The following PPP1R12A variants were observed in gnomAD, a reference collection of about 807,000 sequenced individuals.
PPP1R12A encodes protein phosphatase 1 regulatory subunit 12A, also known as myosin binding subunit.
A neutral mutation model predicts 139.6 loss-of-function variants in PPP1R12A; 19 were observed. The observed-to-expected ratio is 0.14, with a 90% CI of 0.09 to 0.20. The LOEUF (loss-of-function observed/expected upper bound fraction) is 0.20. Ranked by LOEUF, PPP1R12A falls within the 10% of genes least tolerant of loss-of-function variation. PPP1R12A has a pLI of 1.00. For synonymous variants in PPP1R12A, 427 were observed against 420.6 expected (o/e 1.02, Z -0.19); for missense variants, 925 against 1,211.5 (o/e 0.76, Z 3.51).
At chr12:79,817,079 A>G (rs1222627311) in intron 9 of PPP1R12A, among the ~76,000 whole-genome samples, 1 of 152,182 alleles carries the variant, frequency 6.6e-6, no homozygotes, top group African/African-American at 2.4e-5. Flanking sequence ...TCAATAGAAA[A>G]AAAAAACTAA....
At chr12:79,845,530 A>G in intron 2 of PPP1R12A, 110 bp from the exon 3 acceptor site, 1 of 719,196 alleles carries the variant, frequency 1.4e-6, no homozygotes, top group Middle Eastern at 2.5e-4. Context: ...AAAGGGCAGT[A>G]TATACATTAT....
At chr12:79,883,693 T>C (rs780329933) in intron 1 of PPP1R12A, among the ~76,000 whole-genome samples, 2 of 152,234 alleles carry the variant, frequency 1.3e-5, no homozygotes, top group African/African-American at 2.4e-5. Context: ...TTATCTGCAT[T>C]GAGGTAATAA....
At chr12:79,897,244 T>C (rs919883803) in intron 1 of PPP1R12A, among the ~76,000 whole-genome samples, 2 of 152,182 alleles carry the variant, frequency 1.3e-5, no homozygotes, top group Admixed American at 6.5e-5. Context: ...TGCAGTAACA[T>C]GGATGCAAGG....
At chr12:79,892,321 A>G (rs1162487430) in intron 1 of PPP1R12A, among the ~76,000 whole-genome samples, 2 of 152,228 alleles carry the variant, frequency 1.3e-5, no homozygotes, top group South Asian at 2.1e-4. Flanking sequence ...ATCCGAAATT[A>G]TAACTTGAGA....
chr12:79,784,701 G>T (rs562296470), intron 22 of PPP1R12A, among the ~76,000 whole-genome samples: 1 of 151,960 alleles, frequency 6.6e-6, no homozygotes, highest in African/African-American at 2.4e-5. Flanking sequence ...GCAGTGGCAC[G>T]ATCTTGGCTT....
chr12:79,889,141 T>C (rs1884371258), intron 1 of PPP1R12A, among the ~76,000 whole-genome samples: 1 of 152,100 alleles, frequency 6.6e-6, no homozygotes, highest in South Asian at 2.1e-4. Context: ...AAAACACGAG[T>C]AGTCTCTGAC....
intron 1 of PPP1R12A, among the ~76,000 whole-genome samples, chr12:79,876,905 G>A (rs1216933292): frequency 1.3e-5 from 2 of 152,060 alleles, no homozygotes; most frequent in African/African-American, 4.8e-5. Context: ...CAGCTACTCG[G>A]GAGACTGAGA....
intron 5 of PPP1R12A, among the ~76,000 whole-genome samples, chr12:79,826,120 A>G (rs370283677): frequency 1.4e-4 from 21 of 152,112 alleles, no homozygotes; most frequent in African/African-American, 4.8e-4. Context: ...AAAGATGAGG[A>G]AACTAAAACG....
intron 22 of PPP1R12A, among the ~76,000 whole-genome samples, chr12:79,783,236 T>A (rs1330623352): frequency 6.9e-6 from 1 of 145,086 alleles, no homozygotes; most frequent in Non-Finnish European, 1.5e-5. Flanking sequence ...GATGGGCAGA[T>A]CACTTGAGCC....
At chr12:79,832,633 T>C in intron 3 of PPP1R12A, 142 bp from the exon 4 acceptor site, 1 of 779,330 alleles carries the variant, frequency 1.3e-6, no homozygotes, top group Non-Finnish European at 1.9e-6. Flanking sequence ...TATAACAAGT[T>C]GGTTAAACTA....
At position 79,788,701 on chromosome 12, in the gene PPP1R12A, T is replaced by C. The variant is rs61756420; in HGVS notation, c.2749A>G (p.Arg917Gly). 3 of 1,613,336 alleles carry C rather than the reference T, an allele frequency of 1.9e-6. No homozygotes were observed. Among genetic ancestry groups the C allele is most frequent in the South Asian group, 1.1e-5 (1 of 90,992 alleles). Residue 917 changes from arginine (R) to glycine (G), a missense_variant, in exon 21 of 25, where the codon AGA (arginine) becomes GGA (glycine). By Grantham distance (125) the Arg-to-Gly change is moderately radical (BLOSUM62 -2). Around this residue, in one of 4 missense-constraint regions of PPP1R12A, gnomAD observed 315 missense variants for 363.4 expected, o/e 0.87. Transcript: ENST00000450142. ...TCTAGCCTGCTGCTGTAAGGTTTTC[T>C]TTCTTCTAAGTAACTGTATGATCCA... ...RSGSYSYLEE[R>G]KPYSSRLEKD...
intron 1 of PPP1R12A, among the ~76,000 whole-genome samples, chr12:79,884,320 G>A (rs551099097): frequency 2.0e-5 from 3 of 152,118 alleles, no homozygotes; most frequent in South Asian, 2.1e-4. Flanking sequence ...CTTTTAAGTC[G>A]ACATAAGAAA....
chr12:79,817,211 G>C (rs563570750), intron 9 of PPP1R12A, among the ~76,000 whole-genome samples, 183 bp downstream of exon 9: 1 of 151,706 alleles, frequency 6.6e-6, no homozygotes, highest in South Asian at 2.1e-4. Flanking sequence ...ATTGCAAAAA[G>C]GATAAAAAAA....
chr12:79,818,110 T>C (rs192240874), intron 8 of PPP1R12A, among the ~76,000 whole-genome samples: 53 of 152,266 alleles, frequency 3.5e-4, no homozygotes, highest in Admixed American at 3.5e-3. Context: ...CAACAAATAA[T>C]AAGTGTCCCC....
intron 1 of PPP1R12A, among the ~76,000 whole-genome samples, chr12:79,905,168 T>C (rs976512269): frequency 6.6e-6 from 1 of 152,062 alleles, no homozygotes; most frequent in Non-Finnish European, 1.5e-5. Context: ...CAAACAACTT[T>C]GTAAAGTCTA....
intron 4 of PPP1R12A, among the ~76,000 whole-genome samples, chr12:79,828,855 A>G (rs1877092170): frequency 6.6e-6 from 1 of 152,108 alleles, no homozygotes; most frequent in African/African-American, 2.4e-5. Context: ...AGGAACTATC[A>G]TCTTCAGGTT....
At chr12:79,810,887 T>C (rs922291873) in intron 9 of PPP1R12A, among the ~76,000 whole-genome samples, 2 of 152,066 alleles carry the variant, frequency 1.3e-5, no homozygotes, top group Non-Finnish European at 2.9e-5. Context: ...TATAATACTT[T>C]TTTTTTTAAC....
intron 2 of PPP1R12A, among the ~76,000 whole-genome samples, chr12:79,858,970 T>A (rs1322583315): frequency 6.6e-6 from 1 of 152,020 alleles, no homozygotes; most frequent in Non-Finnish European, 1.5e-5. Context: ...ATGATCATTA[T>A]GGCTACAACG....
chr12:79,812,385 T>TGTGC (rs201989298), intron 9 of PPP1R12A, among the ~76,000 whole-genome samples: 1,317 of 49,226 alleles, frequency 0.027, 8 homozygotes, highest in Admixed American at 0.049. Context: ...ACTGACTCTG[T>TGTGC]GTGTGCGTGT....
Sources: gnomAD v4.1 joint callset for allele counts (sites outside exome capture counted in the v4.1 genomes callset) on GRCh38, gnomAD v4.1.1 for gene constraint, gnomAD v4.1.1 regional missense constraint, MANE v1.5 for transcripts, NCBI Gene and HGNC (gene_info 2026-07-23, HGNC 2026-07-21) for gene names.